Variants in CSMD3 observed in about 807,000 individuals in gnomAD.
The protein encoded by CSMD3 is CUB and sushi domain-containing protein 3.
A neutral mutation model predicts 435.2 loss-of-function variants in CSMD3; 177 were observed. That is an observed-to-expected ratio of 0.41 (90% CI 0.36 to 0.46). The LOEUF is 0.46. Among genes scored for constraint, CSMD3 ranks in the 20% least tolerant of loss-of-function variants. The probability of loss-of-function intolerance (pLI) is 0.34; values close to 1 mark genes in which losing one functional copy is unlikely to be tolerated. For synonymous variants in CSMD3, 1,656 were observed against 1,520.5 expected (o/e 1.09, Z -2.07); for missense variants, 4,265 against 4,504.6 (o/e 0.95, Z 1.52).
chr8:112,689,591 T>C (rs529813785), intron 14 of CSMD3, among the ~76,000 whole-genome samples: 60 of 152,158 alleles, frequency 3.9e-4, no homozygotes, highest in African/African-American at 1.3e-3. Context: ...ATAAGAAGTA[T>C]GCTCTCTAGA....
At chr8:112,809,271 C>T (rs554713664) in intron 12 of CSMD3, among the ~76,000 whole-genome samples, 31 of 152,060 alleles carry the variant, frequency 2.0e-4, no homozygotes, top group Non-Finnish European at 4.0e-4. Flanking sequence ...CCAGGAGATT[C>T]GATTTATCTG....
rs2130956451 is a variant in CSMD3 at position 112,336,641 on chromosome 8, T to C, written c.7019+11A>G. ...TAATTGAATAAATCAATAACAATAG[T>C]CCTGACTTACCATACAGTAATGAAA... is the stretch of plus-strand genomic sequence containing the variant. On this transcript the variant is annotated intron_variant, in intron 44 of 70. Coordinates refer to ENST00000297405, the MANE Select transcript of CSMD3 (RefSeq NM_198123.2). 1 of 1,581,636 alleles carries C rather than the reference T, an allele frequency of 6.3e-7. No homozygotes were observed. The highest frequency in any genetic ancestry group is 8.7e-7 in the Non-Finnish European group (1 of 1,150,764).
At chr8:113,158,992 C>T (rs2091987074) in intron 4 of CSMD3, among the ~76,000 whole-genome samples, 1 of 151,868 alleles carries the variant, frequency 6.6e-6, no homozygotes, top group Non-Finnish European at 1.5e-5. Context: ...TCTTTGAGAT[C>T]TCTTAGTGTA....
intron 1 of CSMD3, among the ~76,000 whole-genome samples, chr8:113,359,751 GAA>G (rs1177239663): frequency 6.6e-6 from 1 of 152,196 alleles, no homozygotes; most frequent in Non-Finnish European, 1.5e-5. Flanking sequence ...GAAAAGAACT[GAA>G]AGACTTTAAT....
At chr8:112,333,133 A>T in intron 45 of CSMD3, among the ~76,000 whole-genome samples, 1 of 152,264 alleles carries the variant, frequency 6.6e-6, no homozygotes, top group Middle Eastern at 3.4e-3. Flanking sequence ...TCAAGGGTTA[A>T]ATGAATATCT....
chr8:112,342,686 A>G (rs1825236564), intron 41 of CSMD3, among the ~76,000 whole-genome samples: 1 of 152,026 alleles, frequency 6.6e-6, no homozygotes, highest in African/African-American at 2.4e-5. Context: ...ATTAATAACT[A>G]CACTGGGGCT....
At chr8:112,403,416 A>G (rs961397072) in intron 35 of CSMD3, among the ~76,000 whole-genome samples, 4 of 152,208 alleles carry the variant, frequency 2.6e-5, no homozygotes, top group African/African-American at 9.7e-5. Context: ...TTAGCATGGA[A>G]TCGGGCTCTT....
chr8:112,814,128 G>A (rs1016377475), intron 12 of CSMD3, among the ~76,000 whole-genome samples: 4 of 152,160 alleles, frequency 2.6e-5, no homozygotes, highest in African/African-American at 9.7e-5. Context: ...TCATCTTGAG[G>A]TTACAGAAAG....
intron 13 of CSMD3, among the ~76,000 whole-genome samples, chr8:112,797,839 A>G (rs1435962469): frequency 6.6e-6 from 1 of 151,840 alleles, no homozygotes; most frequent in African/African-American, 2.4e-5. Context: ...TCACAGTACA[A>G]AAAAAATCCT....
chr8:113,230,232 G>A (rs1334222041), intron 3 of CSMD3, among the ~76,000 whole-genome samples: 2 of 151,602 alleles, frequency 1.3e-5, no homozygotes, highest in Non-Finnish European at 3.0e-5. Context: ...TGCAGGTGCT[G>A]GATAGACAAC....
At chr8:112,232,647 G>T (rs1813200530) in intron 68 of CSMD3, among the ~76,000 whole-genome samples, 1 of 152,086 alleles carries the variant, frequency 6.6e-6, no homozygotes. Context: ...TATGATGAGG[G>T]TTACATATAT....
At chr8:112,500,528 T>C (rs1039240136) in intron 30 of CSMD3, among the ~76,000 whole-genome samples, 4 of 152,114 alleles carry the variant, frequency 2.6e-5, no homozygotes, top group African/African-American at 9.7e-5. Flanking sequence ...AGTGTAATCT[T>C]GATATCAAAA....
chr8:112,490,812 T>C (rs1820614707), intron 31 of CSMD3, among the ~76,000 whole-genome samples: 1 of 152,160 alleles, frequency 6.6e-6, no homozygotes, highest in Non-Finnish European at 1.5e-5. Context: ...CTAATTTATA[T>C]GGTTCTAAAT....
intron 4 of CSMD3, among the ~76,000 whole-genome samples, chr8:113,146,211 T>C (rs1168656056): frequency 6.6e-6 from 1 of 151,572 alleles, no homozygotes; most frequent in Non-Finnish European, 1.5e-5. Context: ...TGTTTCCTCT[T>C]GTCAAATATC....
chr8:112,244,905 C>G (rs1814565814), intron 64 of CSMD3, among the ~76,000 whole-genome samples: 1 of 151,836 alleles, frequency 6.6e-6, no homozygotes, highest in Non-Finnish European at 1.5e-5. Context: ...GTCACAAAAA[C>G]CAGCATTTTA....
chr8:112,888,573 GT>G (rs2081680824), intron 10 of CSMD3, among the ~76,000 whole-genome samples: 1 of 151,688 alleles, frequency 6.6e-6, no homozygotes, highest in South Asian at 2.1e-4. Flanking sequence ...ACCACTCTGA[GT>G]AATTTTAGTT....
chr8:113,159,035 GAAA>G (rs1285882499), intron 4 of CSMD3, among the ~76,000 whole-genome samples: 2 of 151,828 alleles, frequency 1.3e-5, no homozygotes, highest in Non-Finnish European at 2.9e-5. Flanking sequence ...TTTAAGATAA[GAAA>G]AGGAAAGGCC....
At chr8:113,040,584 A>C (rs2087563610) in intron 5 of CSMD3, among the ~76,000 whole-genome samples, 2 of 152,192 alleles carry the variant, frequency 1.3e-5, no homozygotes, top group Admixed American at 1.3e-4. Context: ...GAGAAAGGAA[A>C]GAGTCAAAAA....
At chr8:112,777,457 T>C (rs1165286810) in intron 13 of CSMD3, among the ~76,000 whole-genome samples, 1 of 151,842 alleles carries the variant, frequency 6.6e-6, no homozygotes, top group Non-Finnish European at 1.5e-5. Flanking sequence ...GTTGATGATA[T>C]TATTTATGAA....
Sources: allele counts gnomAD v4.1 joint callset (sites outside exome capture counted in the v4.1 genomes callset), GRCh38; gene constraint gnomAD v4.1.1; transcripts MANE v1.5; gene names NCBI Gene and HGNC (gene_info 2026-07-23, HGNC 2026-07-21).